The following LRP1B variants were observed in gnomAD, a reference collection of about 807,000 sequenced individuals.
LRP1B encodes the protein low-density lipoprotein receptor-related protein 1B.
Under a neutral mutation model 556.6 loss-of-function variants are expected in LRP1B, and 217 were observed. The observed-to-expected ratio is 0.39, with a 90% confidence interval of 0.35 to 0.44. LRP1B has a LOEUF of 0.44. Ranked by LOEUF, LRP1B falls within the 20% of genes least tolerant of loss-of-function variation. The probability of loss-of-function intolerance (pLI) is 1.00; values close to 1 mark genes in which losing one functional copy is unlikely to be tolerated. For synonymous variants in LRP1B, 2,047 were observed against 1,865.8 expected, an observed-to-expected ratio of 1.10 and a Z score of -2.50; for missense variants, 5,053 against 5,620.8, an observed-to-expected ratio of 0.90 and a Z score of 3.23.
chr2:141,773,730 T>C (rs1694970496), intron 2 of LRP1B, among the ~76,000 whole-genome samples: 1 of 152,170 alleles, frequency 6.6e-6, no homozygotes, highest in African/African-American at 2.4e-5. Context: ...ACTGAAGTCT[T>C]GAGGAAAACA....
At chr2:141,589,452 G>A (rs768688776) in intron 2 of LRP1B, among the ~76,000 whole-genome samples, 2 of 152,046 alleles carry the variant, frequency 1.3e-5, no homozygotes, top group Non-Finnish European at 2.9e-5. Context: ...TCCTTTGTAC[G>A]CTTTTTATAG....
chr2:141,852,200 G>A (rs940384589), intron 1 of LRP1B, among the ~76,000 whole-genome samples: 1 of 151,642 alleles, frequency 6.6e-6, no homozygotes, highest in Non-Finnish European at 1.5e-5. Flanking sequence ...TAATGACACT[G>A]CTATTTTTAT....
At chr2:142,029,679 T>A (rs75785574) in intron 1 of LRP1B, among the ~76,000 whole-genome samples, 10,214 of 151,804 alleles carry the variant, frequency 0.067, 454 homozygotes, top group East Asian at 0.2. Flanking sequence ...AAAACTCTCA[T>A]CCCTCAACTT....
At chr2:141,276,506 A>G (rs905388392) in intron 3 of LRP1B, among the ~76,000 whole-genome samples, 5 of 151,462 alleles carry the variant, frequency 3.3e-5, no homozygotes, top group African/African-American at 1.2e-4. Context: ...GTCCATATGT[A>G]CTCAATGTTT....
intron 32 of LRP1B, among the ~76,000 whole-genome samples, chr2:140,801,489 G>A (rs1187618673): frequency 6.6e-6 from 1 of 152,112 alleles, no homozygotes; most frequent in Non-Finnish European, 1.5e-5. Context: ...AGTTACGGGA[G>A]CAAGGCTCTT....
intron 3 of LRP1B, among the ~76,000 whole-genome samples, chr2:141,323,871 A>G (rs1687331619): frequency 6.6e-6 from 1 of 151,304 alleles, no homozygotes; most frequent in Non-Finnish European, 1.5e-5. Flanking sequence ...ACACATACAC[A>G]CATACCTGAA....
intron 1 of LRP1B, among the ~76,000 whole-genome samples, chr2:142,006,899 G>C (rs1702821633): frequency 6.6e-6 from 1 of 152,082 alleles, no homozygotes; most frequent in Non-Finnish European, 1.5e-5. Flanking sequence ...ACAAATAAAG[G>C]TGGATAATCA....
intron 1 of LRP1B, among the ~76,000 whole-genome samples, chr2:142,010,554 C>CAAA (rs33927334): frequency 0.022 from 1,333 of 59,948 alleles, 43 homozygotes; most frequent in East Asian, 0.14. Flanking sequence ...GATTCTGTCT[C>CAAA]AAAAAAAAAA....
intron 23 of LRP1B, among the ~76,000 whole-genome samples, chr2:140,894,372 G>A (rs1021244340): frequency 1.3e-5 from 2 of 152,070 alleles, no homozygotes; most frequent in Admixed American, 1.3e-4. Flanking sequence ...TAGAACATAT[G>A]TATCTCTTGG....
At chr2:141,157,000 C>A (rs1410431291) in intron 7 of LRP1B, among the ~76,000 whole-genome samples, 1 of 152,024 alleles carries the variant, frequency 6.6e-6, no homozygotes, top group Non-Finnish European at 1.5e-5. Context: ...AACTTCTACC[C>A]TTCAGAGATA....
intron 3 of LRP1B, among the ~76,000 whole-genome samples, chr2:141,385,381 T>C (rs913708199): frequency 1.3e-5 from 2 of 152,276 alleles, no homozygotes; most frequent in East Asian, 1.9e-4. Context: ...ATGGATATGA[T>C]GCCACCAGTG....
intron 2 of LRP1B, among the ~76,000 whole-genome samples, chr2:141,690,953 A>G (rs1255848816): frequency 2.6e-5 from 4 of 151,856 alleles, no homozygotes; most frequent in African/African-American, 9.7e-5. Context: ...GGGGGACGAA[A>G]GATACATTCT....
At chr2:140,834,237 T>G (rs1340884859) in intron 31 of LRP1B, among the ~76,000 whole-genome samples, 1 of 152,260 alleles carries the variant, frequency 6.6e-6, no homozygotes, top group South Asian at 2.1e-4. Flanking sequence ...ATCTGTTTTT[T>G]ATTTTTATTA....
chr2:141,682,642 T>C (rs1691145789), intron 2 of LRP1B, among the ~76,000 whole-genome samples: 1 of 152,142 alleles, frequency 6.6e-6, no homozygotes, highest in Non-Finnish European at 1.5e-5. Context: ...TGTGTACTTT[T>C]AAAATGATAA....
chr2:141,290,497 A>T (rs973715812), intron 3 of LRP1B, among the ~76,000 whole-genome samples: 1 of 152,126 alleles, frequency 6.6e-6, no homozygotes, highest in Non-Finnish European at 1.5e-5. Context: ...GTAGGAGGCT[A>T]TTGATATAAC....
intron 3 of LRP1B, among the ~76,000 whole-genome samples, chr2:141,463,550 T>A (rs1682002565): frequency 1.1e-4 from 2 of 17,554 alleles, no homozygotes; most frequent in Admixed American, 1.5e-3. Flanking sequence ...TATATATAAT[T>A]ATATATAATA....
At chr2:142,083,481 A>T (rs1705796580) in intron 1 of LRP1B, among the ~76,000 whole-genome samples, 1 of 152,228 alleles carries the variant, frequency 6.6e-6, no homozygotes, top group African/African-American at 2.4e-5. Context: ...TAAACATCCC[A>T]TAATGCCTCT....
rs1255917203 is a variant in LRP1B at position 140,322,072 on chromosome 2, C to T, written c.12531G>A (p.Leu4177=). ...AGCAAAGAAATTCGCATGCTAAATCCAAGCATGGATTGGGTACTGGTGAAA... is the reference window on the plus strand; with the variant it reads ...AGCAAAGAAATTCGCATGCTAAATCTAAGCATGGATTGGGTACTGGTGAAA... ...YKQLDLPNPC[L]DLACEFLCLL... The change falls in exon 82 of 91, where the codon TTG becomes TTA. Residue 4177 remains leucine, a synonymous_variant. Coordinates refer to ENST00000389484, the MANE Select transcript of LRP1B (RefSeq NM_018557.3). 4 of 1,612,604 alleles carry T rather than the reference C, an allele frequency of 2.5e-6. No individual in the cohort carries two copies. Among genetic ancestry groups the T allele is most frequent in the Non-Finnish European group, 3.4e-6 (4 of 1,179,290 alleles).
At chr2:140,492,547 G>A in intron 57 of LRP1B, 61 bp downstream of exon 57, 1 of 1,120,504 alleles carries the variant, frequency 8.9e-7, no homozygotes, top group Non-Finnish European at 1.3e-6. Flanking sequence ...TAGTTCTACA[G>A]CTCTAACACA....
Sources: gnomAD v4.1 joint callset for allele counts (sites outside exome capture counted in the v4.1 genomes callset) on GRCh38, gnomAD v4.1.1 for gene constraint, MANE v1.5 for transcripts, NCBI Gene and HGNC (gene_info 2026-07-23, HGNC 2026-07-21) for gene names.